Variants in PLCG2 observed in about 807,000 individuals in gnomAD.
The protein encoded by PLCG2 is 1-phosphatidylinositol 4,5-bisphosphate phosphodiesterase gamma-2.
Under a neutral mutation model 175.6 loss-of-function variants are expected in PLCG2, and 69 were observed. The observed-to-expected ratio is 0.39, with a 90% CI of 0.32 to 0.48. PLCG2 has a LOEUF of 0.48. Among genes scored for constraint, PLCG2 ranks in the 20% least tolerant of loss-of-function variants. PLCG2 has a pLI of 0.91. For missense variants in PLCG2, 1,798 were observed against 1,650.9 expected (o/e 1.09, Z -1.54); for synonymous variants, 827 against 624.0 (o/e 1.33, Z -4.85).
At position 81,786,138 on chromosome 16, in the gene PLCG2, G is replaced by T; in HGVS notation, c.149G>T (p.Arg50Leu). The T allele has an allele frequency of 1.2e-6, 2 of 1,614,146 alleles. No individual in the cohort carries two copies. Among genetic ancestry groups the T allele is most frequent in the Non-Finnish European group, 1.7e-6 (2 of 1,180,020 alleles). ...RRTVQVIMET[R>L]QVAWSKTADK... is the part of the protein sequence containing the mutation. ...ACCGTCCAGGTGATCATGGAGACGC[G>T]GCAGGTGGCCTGGAGCAAGACCGCT... Residue 50 changes from arginine (R) to leucine (L), a missense_variant, in exon 2 of 33, where the codon CGG (arginine) becomes CTG (leucine). By Grantham distance (102) the Arg-to-Leu change is moderately radical. Transcript: ENST00000564138.
At chr16:81,872,296 C>G (rs1567509077) in intron 7 of PLCG2, among the ~76,000 whole-genome samples, 2 of 152,180 alleles carry the variant, frequency 1.3e-5, no homozygotes, top group Admixed American at 6.5e-5. Context: ...CTACTGCACT[C>G]CAGCCTGGGC....
At chr16:81,925,850 C>T (rs557475507) in intron 22 of PLCG2, among the ~76,000 whole-genome samples, 2 of 149,944 alleles carry the variant, frequency 1.3e-5, no homozygotes, top group East Asian at 2.0e-4. Flanking sequence ...TCGTGCCATG[C>T]ACTCCAGCCT....
In PLCG2 at chr16:81,764,992, G is replaced by T. The variant is rs149847160; in HGVS notation, c.-48+9026G>T. Among the ~76,000 whole-genome samples, 1,417 of 152,264 alleles carry T rather than the reference G, an allele frequency of 9.3e-3. 27 individuals carry two copies. The highest frequency in any genetic ancestry group is 0.032 in the African/African-American group (1,325 of 41,542). ...TGGTCCCAGCTACTCGGGAGGCTGA[G>T]GTGGGAGCATTGGTTTAGCCTAGAG... On this transcript the variant is annotated intron_variant, in intron 2 of 5. Transcript: ENST00000565054.
At chr16:81,844,801 T>C (rs925325730) in intron 2 of PLCG2, among the ~76,000 whole-genome samples, 3 of 152,274 alleles carry the variant, frequency 2.0e-5, no homozygotes, top group Admixed American at 2.0e-4. Context: ...CACATGGCCA[T>C]GTATGTGTGT....
intron 2 of PLCG2, among the ~76,000 whole-genome samples, chr16:81,828,295 G>C (rs1353158499): frequency 8.4e-6 from 1 of 119,438 alleles, no homozygotes; most frequent in Non-Finnish European, 1.6e-5. Flanking sequence ...ACCCAGGCTG[G>C]AATGCAGTGG....
At chr16:81,829,101 A>G (rs985063898) in intron 2 of PLCG2, among the ~76,000 whole-genome samples, 1 of 151,980 alleles carries the variant, frequency 6.6e-6, no homozygotes, top group East Asian at 1.9e-4. Flanking sequence ...GGTAGTTAGT[A>G]GTTTTTATTT....
chr16:81,883,936 C>T (rs1368380843), intron 9 of PLCG2, among the ~76,000 whole-genome samples: 1 of 152,194 alleles, frequency 6.6e-6, no homozygotes, highest in Admixed American at 6.5e-5. Flanking sequence ...TGGGCAGTGT[C>T]CAGAGACGAC....
chr16:81,898,754 G>A (rs1318915117), intron 13 of PLCG2: 2 of 152,072 alleles, frequency 1.3e-5, no homozygotes, highest in African/African-American at 4.8e-5. Flanking sequence ...TATGTCTAAT[G>A]ATCATTATTT....
intron 23 of PLCG2, 22 bp from the exon 24 acceptor site, chr16:81,928,536 G>A (rs776863531): frequency 5.3e-6 from 8 of 1,519,662 alleles, no homozygotes; most frequent in African/African-American, 1.4e-5. Flanking sequence ...ACTAACGTGA[G>A]TTATGTCTTG....
At chr16:81,835,015 C>T (rs1353651313) in intron 2 of PLCG2, among the ~76,000 whole-genome samples, 1 of 152,026 alleles carries the variant, frequency 6.6e-6, no homozygotes, top group Non-Finnish European at 1.5e-5. Context: ...CTCCTGGTGT[C>T]ATGAACACTG....
intron 2 of PLCG2, among the ~76,000 whole-genome samples, chr16:81,770,460 C>T (rs920827426): frequency 7.9e-5 from 12 of 152,296 alleles, no homozygotes; most frequent in South Asian, 4.1e-4. Context: ...TGCCTGTAAT[C>T]CCAGCCCTTT....
At position 81,855,322 on chromosome 16, in the gene PLCG2, C is replaced by G. The variant is rs138383369; in HGVS notation, c.337+735C>G. Among the ~76,000 whole-genome samples, 58 of 152,276 alleles carry G rather than the reference C, an allele frequency of 3.8e-4. No individual in the cohort carries two copies. The East Asian group carries it at 9.5e-3, about 25-fold the overall frequency. On this transcript the variant is annotated intron_variant, in intron 3 of 32. Coordinates refer to ENST00000564138, the MANE Select transcript of PLCG2 (RefSeq NM_002661.5). Reference sequence around the variant, plus strand: ...TCTGTTGCACACACACATGCACTTTCCTCACTTTACTCAGGGGCAGAAGCT... The same window carrying G: ...TCTGTTGCACACACACATGCACTTTGCTCACTTTACTCAGGGGCAGAAGCT...
intron 2 of PLCG2, among the ~76,000 whole-genome samples, chr16:81,791,692 G>A (rs186014805): frequency 8.1e-4 from 124 of 152,284 alleles, no homozygotes; most frequent in African/African-American, 2.9e-3. Flanking sequence ...AGCCCCCCGA[G>A]TAGCTGGGAT....
rs141564515 is a variant in PLCG2 at position 81,792,295 on chromosome 16, A to T, written c.193+6113A>T. ...TCAGGAGTTCGAGACCAGCCTAGCC[A>T]ACATGGCGAAGCCCCATCTCTACTA... On this transcript the variant is annotated intron_variant, in intron 2 of 32. Coordinates refer to ENST00000564138, the MANE Select transcript of PLCG2 (RefSeq NM_002661.5). Among the ~76,000 whole-genome samples, 1,093 of 152,204 alleles carry T rather than the reference A, an allele frequency of 7.2e-3. 9 individuals carry two copies. Among genetic ancestry groups the T allele is most frequent in the African/African-American group, 0.025 (1,027 of 41,538 alleles).
At chr16:81,904,916 C>G (rs12933078) in intron 14 of PLCG2, among the ~76,000 whole-genome samples, 51,826 of 152,012 alleles carry the variant, frequency 0.34, 9,132 homozygotes, top group Middle Eastern at 0.43. Context: ...GGGACAGAGT[C>G]TCACTCTGTT....
chr16:81,874,141 G>C (rs573707244), intron 7 of PLCG2, among the ~76,000 whole-genome samples: 1 of 152,208 alleles, frequency 6.6e-6, no homozygotes, highest in South Asian at 2.1e-4. Flanking sequence ...AAAATTAATT[G>C]CCTACATTTA....
chr16:81,805,956 G>C (rs1912002648), intron 2 of PLCG2, among the ~76,000 whole-genome samples: 1 of 151,512 alleles, frequency 6.6e-6, no homozygotes. Flanking sequence ...GTAGTTTAAA[G>C]TTTTCTAGTT....
chr16:81,762,868 A>T (rs925611834), intron 2 of PLCG2, among the ~76,000 whole-genome samples: 1 of 152,182 alleles, frequency 6.6e-6, no homozygotes, highest in South Asian at 2.1e-4. Context: ...GATCAGCCTC[A>T]GCAACATAGT....
chr16:81,947,800 T>C (rs1911207959), intron 31 of PLCG2, among the ~76,000 whole-genome samples: 1 of 152,250 alleles, frequency 6.6e-6, no homozygotes, highest in African/African-American at 2.4e-5. Context: ...CACCATTTTA[T>C]TACCTACTGT....
Sources: gnomAD v4.1 joint callset for allele counts (sites outside exome capture counted in the v4.1 genomes callset) on GRCh38, gnomAD v4.1.1 for gene constraint, MANE v1.5 for transcripts, NCBI Gene and HGNC (gene_info 2026-07-23, HGNC 2026-07-21) for gene names.